NR1H4: variants seen among roughly 807,000 people sequenced by gnomAD.
NR1H4 encodes the protein bile acid receptor.
A neutral mutation model predicts 58.5 loss-of-function variants in NR1H4; 23 were observed. The observed-to-expected ratio is 0.39, with a 90% CI of 0.28 to 0.56. The LOEUF is 0.56. NR1H4 is among the 20% of genes least tolerant of loss of function. The probability of loss-of-function intolerance (pLI) is 0.58; values close to 1 mark genes in which losing one functional copy is unlikely to be tolerated. For missense variants in NR1H4, 487 were observed against 576.9 expected (o/e 0.84, Z 1.60); for synonymous variants, 214 against 198.0 (o/e 1.08, Z -0.68).
chr12:100,510,656 T>G, intron 3 of NR1H4, 122 bp from the exon 4 acceptor site: 1 of 713,990 alleles, frequency 1.4e-6, no homozygotes. Flanking sequence ...GTTGTAAACT[T>G]TTATGTAGTT....
At chr12:100,507,031 G>T (rs1306756996) in intron 3 of NR1H4, among the ~76,000 whole-genome samples, 2 of 152,112 alleles carry the variant, frequency 1.3e-5, no homozygotes, top group African/African-American at 4.8e-5. Flanking sequence ...AATGCTTAAA[G>T]ATTTTAGAAT....
chr12:100,547,564 C>T (rs571851642), intron 9 of NR1H4, among the ~76,000 whole-genome samples: 5 of 152,124 alleles, frequency 3.3e-5, no homozygotes, highest in East Asian at 1.9e-4. Flanking sequence ...TGGTTCTAGC[C>T]GTGAAGACAC....
rs1954761490 is a variant in NR1H4 at position 100,534,162 on chromosome 12, G to A, written c.599-728G>A. 2.6e-5 allele frequency among the ~76,000 whole-genome samples: 4 copies of A among 152,130 alleles called. No individual in the cohort carries two copies. The South Asian group carries it at 6.2e-4, about 24-fold the overall frequency. ...CCCGCCTCGGCCTCCCAAAGTGCTG[G>A]GATTACAGGCGTGAGCCACCGCGCC... On this transcript the variant is annotated intron_variant, in intron 5 of 10. Coordinates refer to ENST00000392986, the MANE Select transcript of NR1H4 (RefSeq NM_001206979.2).
chr12:100,530,027 A>T (rs1041888573), intron 4 of NR1H4, among the ~76,000 whole-genome samples: 1 of 152,148 alleles, frequency 6.6e-6, no homozygotes, highest in Admixed American at 6.5e-5. Flanking sequence ...CTCATCACTC[A>T]TATTTTATAT....
chr12:100,536,574 C>T lies in NR1H4; in HGVS notation c.795C>T (p.Asn265=), dbSNP rs147030757. The part of the protein sequence containing the change: ...TLLHFIMDSY[N]KQRMPQEITN... Reference sequence around the variant, plus strand: ...TACATTTTATTATGGATTCATATAACAAACAGAGGATGCCTCAGGAAATAA... The same window carrying T: ...TACATTTTATTATGGATTCATATAATAAACAGAGGATGCCTCAGGAAATAA... The change falls in exon 7 of 11, where the codon AAC becomes AAT. Residue 265 remains asparagine, a synonymous_variant. Transcript: ENST00000392986. 1.6e-4 allele frequency: 262 copies of T among 1,604,372 alleles called. 1 individual carries two copies. In the East Asian group the frequency reaches 5.7e-3, roughly 35 times the overall value.
chr12:100,532,442 A>G lies in NR1H4; in HGVS notation c.446-16A>G, dbSNP rs1208387763. On this transcript the variant is annotated splice_polypyrimidine_tract_variant and intron_variant, in intron 4 of 10. Coordinates refer to ENST00000392986, the MANE Select transcript of NR1H4 (RefSeq NM_001206979.2). ...TGTGAGAGGACTTTTTACACTTTTC[A>G]GTGTTTCTCCCACAGGTTTCTTCAG... is the stretch of plus-strand genomic sequence containing the variant. 2 of 1,613,788 alleles carry G rather than the reference A, an allele frequency of 1.2e-6. No individual in the cohort carries two copies. Among genetic ancestry groups the G allele is most frequent in the African/African-American group, 1.3e-5 (1 of 74,916 alleles).
rs188681221 is a variant in NR1H4, at chr12:100,562,976, G to A, written c.1193-275G>A. On this transcript the variant is annotated intron_variant, in intron 10 of 10. Coordinates refer to ENST00000392986, the MANE Select transcript of NR1H4 (RefSeq NM_001206979.2). ...TTCACTTCTGAGAATATACTCAACAGAAAGGATGCTCACGTCCACCCTACA... is the reference window on the plus strand; with the variant it reads ...TTCACTTCTGAGAATATACTCAACAAAAAGGATGCTCACGTCCACCCTACA... 4.5e-3 allele frequency among the ~76,000 whole-genome samples: 693 copies of A among 152,308 alleles called. 3 individuals carry two copies. The highest frequency in any genetic ancestry group is 0.017 in the South Asian group (81 of 4,834).
At chr12:100,554,733 C>G (rs1955285543) in intron 9 of NR1H4, among the ~76,000 whole-genome samples, 2 of 152,048 alleles carry the variant, frequency 1.3e-5, no homozygotes, top group African/African-American at 2.4e-5. Flanking sequence ...ATTGGTCATT[C>G]AAGCGAAAAT....
In NR1H4 at chr12:100,556,981, T is replaced by C. The variant is rs116711231; in HGVS notation, c.1079-4904T>C. 7.5e-3 allele frequency among the ~76,000 whole-genome samples: 1,136 copies of C among 152,314 alleles called. 19 individuals are homozygous for C. Among genetic ancestry groups the C allele is most frequent in the African/African-American group, 0.023 (939 of 41,574 alleles). ...GAAAAATGAGAGCTGTGTCCATGCA[T>C]GTTAGAAGTAATTTTTTTCCTTTTT... is the stretch of plus-strand genomic sequence containing the variant. On this transcript the variant is annotated intron_variant, in intron 9 of 10. Coordinates refer to ENST00000392986, the MANE Select transcript of NR1H4 (RefSeq NM_001206979.2).
chr12:100,550,934 A>T (rs1476706537), intron 9 of NR1H4, among the ~76,000 whole-genome samples: 1 of 152,210 alleles, frequency 6.6e-6, no homozygotes, highest in Admixed American at 6.5e-5. Context: ...AGTGTTATTT[A>T]TAAAATATCC....
In NR1H4 at chr12:100,481,347, C is replaced by A. The variant is rs78760022; in HGVS notation, c.-190+7288C>A. 1.9e-3 allele frequency among the ~76,000 whole-genome samples: 290 copies of A among 151,836 alleles called. 6 individuals carry two copies. Among genetic ancestry groups the A allele is most frequent in the East Asian group, 0.016 (82 of 5,176 alleles). Reference sequence around the variant, plus strand: ...ACCATTTTGACTAATGTACATAATGCGAAAAAAGAAAAAACAAACTTTCCT... The same window carrying A: ...ACCATTTTGACTAATGTACATAATGAGAAAAAAGAAAAAACAAACTTTCCT... On this transcript the variant is annotated intron_variant, in intron 1 of 10. Coordinates refer to ENST00000392986, the MANE Select transcript of NR1H4 (RefSeq NM_001206979.2).
At chr12:100,503,833 T>G (rs769703168) in intron 3 of NR1H4, among the ~76,000 whole-genome samples, 5 of 152,202 alleles carry the variant, frequency 3.3e-5, no homozygotes, top group Non-Finnish European at 5.9e-5. Flanking sequence ...CATTATTTAA[T>G]GCAGTGCTCC....
intron 1 of NR1H4, among the ~76,000 whole-genome samples, chr12:100,487,596 T>G (rs1953518751): frequency 5.0e-5 from 2 of 39,794 alleles, no homozygotes; most frequent in Non-Finnish European, 1.7e-4. Context: ...CTTCTTCTTC[T>G]TTTTTTTTTT....
intron 1 of NR1H4, among the ~76,000 whole-genome samples, chr12:100,489,007 A>G (rs1383076167): frequency 6.6e-6 from 1 of 152,184 alleles, no homozygotes; most frequent in African/African-American, 2.4e-5. Context: ...AGCTAAAGTC[A>G]AGGGTCTCCT....
chr12:100,521,777 G>A (rs550453516), intron 4 of NR1H4, among the ~76,000 whole-genome samples: 1 of 152,270 alleles, frequency 6.6e-6, no homozygotes, highest in Non-Finnish European at 1.5e-5. Context: ...AAGCTGAGGA[G>A]TGCTGACCTA....
chr12:100,519,720 C>T (rs914895051), intron 4 of NR1H4, among the ~76,000 whole-genome samples: 4 of 152,244 alleles, frequency 2.6e-5, no homozygotes, highest in Admixed American at 6.5e-5. Flanking sequence ...TCCCAAATGA[C>T]GTGGAGTTTC....
At chr12:100,482,871 C>G (rs34522926) in intron 1 of NR1H4, among the ~76,000 whole-genome samples, 16 of 152,096 alleles carry the variant, frequency 1.1e-4, no homozygotes, top group African/African-American at 3.6e-4. Flanking sequence ...TGTGTAAGCT[C>G]CAGAGAGCAG....
intron 4 of NR1H4, among the ~76,000 whole-genome samples, chr12:100,525,645 C>T (rs1398892030): frequency 6.6e-6 from 1 of 152,112 alleles, no homozygotes; most frequent in African/African-American, 2.4e-5. Context: ...TAATGCTGGC[C>T]TCATAAAATA....
intron 1 of NR1H4, among the ~76,000 whole-genome samples, chr12:100,475,945 A>G (rs1467833155): frequency 2.0e-5 from 3 of 152,026 alleles, no homozygotes; most frequent in East Asian, 1.9e-4. Flanking sequence ...TGTTGGCCAG[A>G]CTGGTCTCGA....
Sources: allele counts gnomAD v4.1 joint callset (sites outside exome capture counted in the v4.1 genomes callset), GRCh38; gene constraint gnomAD v4.1.1; transcripts MANE v1.5; gene names NCBI Gene and HGNC (gene_info 2026-07-23, HGNC 2026-07-21).